TAS2R1: variants seen among roughly 807,000 people sequenced by gnomAD.
TAS2R1 encodes taste receptor type 2 member 1.
For synonymous variants in TAS2R1, 141 were observed against 134.2 expected (o/e 1.05, Z -0.35); for missense variants, 370 against 353.4 (o/e 1.05, Z -0.38).
the TAS2R1 span, among the ~76,000 whole-genome samples, chr5:9,792,671 T>C: frequency 6.6e-6 from 1 of 152,182 alleles, no homozygotes; most frequent in African/African-American, 2.4e-5. Flanking sequence ...CTACTCCTGC[T>C]TGACGACTTA....
the TAS2R1 span, among the ~76,000 whole-genome samples, chr5:9,805,518 A>T: frequency 6.6e-6 from 1 of 152,156 alleles, no homozygotes; most frequent in Non-Finnish European, 1.5e-5. Flanking sequence ...AGCTAACAGA[A>T]TCTAACAGCA....
chr5:9,795,981 C>A, the TAS2R1 span, among the ~76,000 whole-genome samples: 1 of 152,186 alleles, frequency 6.6e-6, no homozygotes, highest in East Asian at 1.9e-4. Flanking sequence ...AACATACTGA[C>A]CTCTGTCCAT....
At chr5:9,832,900 G>A in the TAS2R1 span, among the ~76,000 whole-genome samples, 1 of 152,226 alleles carries the variant, frequency 6.6e-6, no homozygotes, top group African/African-American at 2.4e-5. Flanking sequence ...CTGATGACAT[G>A]TGTCTGAGGT....
At chr5:9,760,921 C>T in the TAS2R1 span, 1 of 152,144 alleles carries the variant, frequency 6.6e-6, no homozygotes, top group Non-Finnish European at 1.5e-5. Flanking sequence ...ACCGCCATAC[C>T]AGCCTGAACG....
the TAS2R1 span, among the ~76,000 whole-genome samples, chr5:9,825,091 T>G: frequency 6.6e-6 from 1 of 152,212 alleles, no homozygotes; most frequent in African/African-American, 2.4e-5. Flanking sequence ...AACCAATTGA[T>G]GAAGCTGTTT....
intron 1 of TAS2R1, among the ~76,000 whole-genome samples, chr5:9,663,445 A>C (rs2126497232): frequency 6.6e-6 from 1 of 152,330 alleles, no homozygotes; most frequent in Admixed American, 6.5e-5. Flanking sequence ...ATAATAGCTC[A>C]ACTTTTTCAG....
At chr5:9,645,563 T>C (rs1375787957) in intron 2 of TAS2R1, 1 of 152,168 alleles carries the variant, frequency 6.6e-6, no homozygotes, top group Non-Finnish European at 1.5e-5. Flanking sequence ...GGGCCTTACT[T>C]GGGGCTGACT....
the TAS2R1 span, among the ~76,000 whole-genome samples, chr5:9,837,974 A>G: frequency 0.058 from 8,898 of 152,212 alleles, 373 homozygotes; most frequent in East Asian, 0.2. Flanking sequence ...CTCTTTACTC[A>G]AATATCTGTG....
chr5:9,823,045 G>T, the TAS2R1 span, among the ~76,000 whole-genome samples: 2 of 145,052 alleles, frequency 1.4e-5, no homozygotes, highest in Non-Finnish European at 3.0e-5. Context: ...AAAAAATCTT[G>T]GCTTGGAAAA....
chr5:9,878,400 C>A, the TAS2R1 span, among the ~76,000 whole-genome samples: 1 of 152,204 alleles, frequency 6.6e-6, no homozygotes, highest in Non-Finnish European at 1.5e-5. Flanking sequence ...CTTTCCCTCA[C>A]TAGAGCCTTG....
chr5:9,763,061 A>G, the TAS2R1 span, among the ~76,000 whole-genome samples: 2 of 152,254 alleles, frequency 1.3e-5, no homozygotes, highest in Non-Finnish European at 2.9e-5. Context: ...TGAAAGGACA[A>G]GCATAAATTA....
the TAS2R1 span, among the ~76,000 whole-genome samples, chr5:9,801,614 A>T: frequency 5.7e-4 from 87 of 152,294 alleles, no homozygotes; most frequent in African/African-American, 1.9e-3. Flanking sequence ...TCAAGGGGGA[A>T]GCTGGTGGTC....
chr5:9,772,866 A>G, the TAS2R1 span, among the ~76,000 whole-genome samples: 1 of 151,544 alleles, frequency 6.6e-6, no homozygotes, highest in Non-Finnish European at 1.5e-5. Flanking sequence ...CCATCCCTTT[A>G]TTTTCAGTCT....
chr5:9,648,558 C>T (rs933723056), intron 2 of TAS2R1, among the ~76,000 whole-genome samples: 15 of 151,986 alleles, frequency 9.9e-5, no homozygotes, highest in African/African-American at 1.7e-4. Context: ...TCCCTCAGCT[C>T]GGTGTCCAGT....
At chr5:9,879,679 C>T in the TAS2R1 span, among the ~76,000 whole-genome samples, 4 of 152,144 alleles carry the variant, frequency 2.6e-5, no homozygotes, top group Non-Finnish European at 5.9e-5. Context: ...ACTTCTCTGA[C>T]CCATAAAGAT....
At chr5:9,903,437 T>C in the TAS2R1 span, 3 of 152,040 alleles carry the variant, frequency 2.0e-5, no homozygotes, top group Non-Finnish European at 4.4e-5. Context: ...CTAAGCAGTG[T>C]ACACTGTACC....
At chr5:9,811,402 C>T in the TAS2R1 span, among the ~76,000 whole-genome samples, 1 of 152,124 alleles carries the variant, frequency 6.6e-6, no homozygotes, top group Non-Finnish European at 1.5e-5. Flanking sequence ...TACCCATAAG[C>T]CTAAAGAGTG....
chr5:9,667,237 G>C (rs1740652488), intron 1 of TAS2R1, among the ~76,000 whole-genome samples: 2 of 152,110 alleles, frequency 1.3e-5, no homozygotes. Flanking sequence ...GCTTCCTGTT[G>C]TCCAGGAAAA....
the TAS2R1 span, among the ~76,000 whole-genome samples, chr5:9,757,490 T>C: frequency 1.3e-5 from 2 of 152,168 alleles, no homozygotes; most frequent in Admixed American, 6.5e-5. Flanking sequence ...TGAACACATT[T>C]AACACAGCTT....
Sources: gnomAD v4.1 joint callset for allele counts (sites outside exome capture counted in the v4.1 genomes callset) on GRCh38, gnomAD v4.1.1 for gene constraint, MANE v1.5 for transcripts, NCBI Gene and HGNC (gene_info 2026-07-23, HGNC 2026-07-21) for gene names.